The following FAM171B variants were observed in gnomAD, a reference collection of about 807,000 sequenced individuals.
The protein encoded by FAM171B is family with sequence similarity 171 member B, also known as protein FAM171B.
FAM171B carries 19 observed loss-of-function variants against 75.6 expected under a neutral mutation model. The ratio of observed to expected loss-of-function variants is 0.25; its 90% CI spans 0.18 to 0.37. FAM171B has a LOEUF of 0.37. Among genes scored for constraint, FAM171B ranks in the 10% least tolerant of loss-of-function variants. The pLI, the probability that FAM171B is intolerant of heterozygous loss-of-function variation, is 1.00. For synonymous variants in FAM171B, 367 were observed against 361.7 expected (o/e 1.01, Z -0.17); for missense variants, 848 against 982.4 (o/e 0.86, Z 1.83).
chr2:186,738,367 A>G (rs963824914), intron 1 of FAM171B, among the ~76,000 whole-genome samples: 1 of 152,058 alleles, frequency 6.6e-6, no homozygotes, highest in South Asian at 2.1e-4. Flanking sequence ...TTGAGCAACA[A>G]AAGGAAGGCT....
intron 1 of FAM171B, chr2:186,695,329 C>G (rs1689564082): frequency 6.6e-6 from 1 of 152,198 alleles, no homozygotes; most frequent in Admixed American, 6.5e-5. Flanking sequence ...CATCTCCCTA[C>G]CCCGCAACCC....
rs1273844227 is a variant in FAM171B, at chr2:186,694,280, G to A, written c.107G>A (p.Arg36His). The change falls in exon 1 of 8, where the codon CGC becomes CAC. Residue 36 changes from arginine (R) to histidine (H), a missense_variant. By Grantham distance (29) the Arg-to-His change is conservative (BLOSUM62 0). Transcript: ENST00000304698. ...VPAAARAELS[R>H]SDLSLIQQQQ... ...GCGGCCGCCAGAGCGGAACTCAGCC[G>A]CTCCGACCTCAGCCTCATCCAACAG... 1 of 1,611,294 alleles carries A rather than the reference G, an allele frequency of 6.2e-7. No individual in the cohort carries two copies. Among genetic ancestry groups the A allele is most frequent in the Non-Finnish European group, 8.5e-7 (1 of 1,179,304 alleles).
At chr2:186,726,357 T>C (rs957154024) in intron 1 of FAM171B, among the ~76,000 whole-genome samples, 14 of 152,314 alleles carry the variant, frequency 9.2e-5, no homozygotes, top group Non-Finnish European at 1.8e-4. Context: ...AGGAGGCTTT[T>C]CTATTTTACT....
intron 1 of FAM171B, among the ~76,000 whole-genome samples, chr2:186,739,565 G>C (rs1022682671): frequency 3.3e-5 from 5 of 152,206 alleles, no homozygotes; most frequent in Admixed American, 1.3e-4. Context: ...CACAGGGCAG[G>C]ATCATCAATA....
chr2:186,694,569 G>T (rs1045124143), intron 1 of FAM171B, among the ~76,000 whole-genome samples, 158 bp downstream of exon 1: 1 of 152,120 alleles, frequency 6.6e-6, no homozygotes, highest in Non-Finnish European at 1.5e-5. Context: ...CCAGCCTTTG[G>T]TCCCTTGATC....
chr2:186,756,936 A>AGGTAC (rs1326639613), intron 6 of FAM171B, among the ~76,000 whole-genome samples: 2 of 152,272 alleles, frequency 1.3e-5, no homozygotes, highest in East Asian at 3.9e-4. Flanking sequence ...GCAGATGAAG[A>AGGTAC]GGTACATAGG....
intron 1 of FAM171B, among the ~76,000 whole-genome samples, chr2:186,725,188 CA>C (rs5836998): frequency 0.3 from 45,629 of 151,206 alleles, 7,356 homozygotes; most frequent in East Asian, 0.64. Flanking sequence ...ACTAAAAATA[CA>C]AAAAATTAGC....
chr2:186,734,792 CA>C, intron 1 of FAM171B, among the ~76,000 whole-genome samples: 1 of 152,216 alleles, frequency 6.6e-6, no homozygotes, highest in South Asian at 2.1e-4. Flanking sequence ...CACCTGTGGC[CA>C]TGAGTGCCCA....
At chr2:186,724,261 A>G (rs1689998872) in intron 1 of FAM171B, among the ~76,000 whole-genome samples, 1 of 152,152 alleles carries the variant, frequency 6.6e-6, no homozygotes, top group Admixed American at 6.5e-5. Flanking sequence ...GCAACGGGGT[A>G]TGCTGTTCCA....
intron 1 of FAM171B, among the ~76,000 whole-genome samples, chr2:186,700,049 A>G (rs976379919): frequency 6.7e-6 from 1 of 149,738 alleles, no homozygotes; most frequent in Non-Finnish European, 1.5e-5. Flanking sequence ...ATGTCAAGTC[A>G]GGTAATTTGA....
intron 1 of FAM171B, among the ~76,000 whole-genome samples, chr2:186,709,076 A>T (rs1689773016): frequency 6.6e-6 from 1 of 152,106 alleles, no homozygotes; most frequent in African/African-American, 2.4e-5. Flanking sequence ...GGCTCATCAC[A>T]CAGAGAAAGA....
chr2:186,717,606 A>G (rs1362402223), intron 1 of FAM171B, among the ~76,000 whole-genome samples: 1 of 152,114 alleles, frequency 6.6e-6, no homozygotes, highest in Non-Finnish European at 1.5e-5. Context: ...TGCTCTAGTC[A>G]GGCTTTCCTC....
In FAM171B at chr2:186,743,490, A is replaced by C; in HGVS notation, c.480A>C (p.Ser160=). 1 of 1,606,292 alleles carries C rather than the reference A, an allele frequency of 6.2e-7. No homozygotes were observed. The highest frequency in any genetic ancestry group is 8.5e-7 in the Non-Finnish European group (1 of 1,173,206). ...PWKTRRMPIY[S]SVTLSLFPQS... is the part of the protein sequence containing the mutation. ...TTGTGCTATATTTCACAGTATATTC[A>C]TCAGTTACACTTTCACTGTTCCCGC... The change falls in exon 3 of 8, where the codon TCA becomes TCC. Residue 160 remains serine, a synonymous_variant. Transcript: ENST00000304698.
chr2:186,725,548 A>G (rs1690020373), intron 1 of FAM171B, among the ~76,000 whole-genome samples: 1 of 152,044 alleles, frequency 6.6e-6, no homozygotes, highest in Non-Finnish European at 1.5e-5. Context: ...AGGTTCAGGG[A>G]GCTGTGCTAT....
rs1690268558 is a variant in FAM171B at position 186,740,242 on chromosome 2, T to A, written c.253T>A (p.Leu85Met). 6.2e-7 allele frequency: 1 copy of A among 1,613,828 alleles called. No individual in the cohort carries two copies. The highest frequency in any genetic ancestry group is 8.5e-7 in the Non-Finnish European group (1 of 1,179,774). Reference protein sequence around the residue: ...TLTVPVSVFMLKVQVNDIISR... With the variant: ...TLTVPVSVFMMKVQVNDIISR... ...TTTCTCTCCAGTGTCTGTATTTATGTTGAAAGTCCAGGTGAATGACATCAT... is the reference window on the plus strand; with the variant it reads ...TTTCTCTCCAGTGTCTGTATTTATGATGAAAGTCCAGGTGAATGACATCAT... The change falls in exon 2 of 8, where the codon TTG (leucine) becomes ATG (methionine). Residue 85 changes from leucine to methionine, a missense_variant. Transcript: ENST00000304698.
intron 4 of FAM171B, 100 bp from the exon 5 acceptor site, chr2:186,751,034 C>A: frequency 1.2e-6 from 1 of 847,556 alleles, no homozygotes; most frequent in South Asian, 2.6e-5. Context: ...AATAGATAAC[C>A]CTTGGTGAAA....
At chr2:186,694,474 G>A (rs1357008330) in intron 1 of FAM171B, 63 bp downstream of exon 1, 2 of 1,534,382 alleles carry the variant, frequency 1.3e-6, no homozygotes, top group Non-Finnish European at 1.8e-6. Context: ...GGGCCTCGCC[G>A]GCTTCCTCGC....
At chr2:186,725,007 A>T (rs1443473282) in intron 1 of FAM171B, among the ~76,000 whole-genome samples, 3 of 152,176 alleles carry the variant, frequency 2.0e-5, no homozygotes, top group Non-Finnish European at 4.4e-5. Flanking sequence ...GAGCCTTTAC[A>T]TATTCTTCTT....
At chr2:186,715,576 A>T (rs1025612155) in intron 1 of FAM171B, among the ~76,000 whole-genome samples, 1 of 152,222 alleles carries the variant, frequency 6.6e-6, no homozygotes, top group Admixed American at 6.5e-5. Flanking sequence ...GCAGGATGTC[A>T]TAATATGCTC....
Sources: gnomAD v4.1 joint callset for allele counts (sites outside exome capture counted in the v4.1 genomes callset) on GRCh38, gnomAD v4.1.1 for gene constraint, MANE v1.5 for transcripts, NCBI Gene and HGNC (gene_info 2026-07-23, HGNC 2026-07-21) for gene names.